The following HOMER1 variants were observed in gnomAD, a reference collection of about 807,000 sequenced individuals.
HOMER1 encodes the protein homer protein homolog 1.
HOMER1 carries 3 observed loss-of-function variants against 48.9 expected under a neutral mutation model. The observed-to-expected ratio is 0.06, with a 90% CI of 0.03 to 0.16. HOMER1 has a LOEUF of 0.16. Ranked by LOEUF, HOMER1 falls within the 10% of genes least tolerant of loss-of-function variation. The pLI, the probability that HOMER1 is intolerant of heterozygous loss-of-function variation, is 1.00. For missense variants in HOMER1, 247 were observed against 411.4 expected, an observed-to-expected ratio of 0.60 and a Z score of 3.46; for synonymous variants, 134 against 146.4, an observed-to-expected ratio of 0.92 and a Z score of 0.61.
At chr5:79,499,346 C>A (rs1435395082) in intron 1 of HOMER1, among the ~76,000 whole-genome samples, 2 of 152,150 alleles carry the variant, frequency 1.3e-5, no homozygotes, top group African/African-American at 4.8e-5. Context: ...TTTGAAAACT[C>A]TATACCAAAC....
At chr5:79,381,690 G>A (rs1748981506) in intron 8 of HOMER1, among the ~76,000 whole-genome samples, 1 of 152,142 alleles carries the variant, frequency 6.6e-6, no homozygotes, top group Admixed American at 6.5e-5. Flanking sequence ...TTTGAGACCA[G>A]CCTGGTCAAC....
intron 4 of HOMER1, 41 bp from the exon 5 acceptor site, chr5:79,439,190 T>C (rs1254411946): frequency 6.2e-7 from 1 of 1,605,602 alleles, no homozygotes; most frequent in South Asian, 1.1e-5. Flanking sequence ...AGTTACACTT[T>C]TGTTAAAGTA....
intron 5 of HOMER1, among the ~76,000 whole-genome samples, chr5:79,420,968 T>A (rs1399323256): frequency 3.9e-5 from 6 of 152,172 alleles, no homozygotes; most frequent in Admixed American, 3.9e-4. Context: ...ATGCATAACT[T>A]GCTAGTTAAA....
intron 8 of HOMER1, among the ~76,000 whole-genome samples, chr5:79,378,129 A>G (rs1748822103): frequency 6.7e-6 from 1 of 149,308 alleles, no homozygotes; most frequent in African/African-American, 2.5e-5. Flanking sequence ...CTGAGGCAGG[A>G]GAATGACTTG....
At chr5:79,473,111 T>C (rs1463400143) in intron 1 of HOMER1, among the ~76,000 whole-genome samples, 1 of 152,230 alleles carries the variant, frequency 6.6e-6, no homozygotes, top group African/African-American at 2.4e-5. Flanking sequence ...TCCTAACTGG[T>C]TCTCCAACCA....
At chr5:79,474,109 G>C (rs1390258578) in intron 1 of HOMER1, among the ~76,000 whole-genome samples, 3 of 151,652 alleles carry the variant, frequency 2.0e-5, no homozygotes, top group Non-Finnish European at 4.4e-5. Context: ...ATGGCTTATA[G>C]CTCACTGCAG....
chr5:79,418,833 T>C (rs1561356142), intron 5 of HOMER1, among the ~76,000 whole-genome samples: 1 of 152,240 alleles, frequency 6.6e-6, no homozygotes, highest in East Asian at 1.9e-4. Context: ...ACCTTAGGGG[T>C]AATTTACAAT....
intron 1 of HOMER1, among the ~76,000 whole-genome samples, chr5:79,476,688 A>T (rs1174799917): frequency 6.6e-6 from 1 of 152,146 alleles, no homozygotes; most frequent in East Asian, 1.9e-4. Flanking sequence ...AAAGGGTGTG[A>T]AGCTTCCAGG....
At chr5:79,460,370 G>C (rs1333697096) in intron 1 of HOMER1, among the ~76,000 whole-genome samples, 1 of 152,174 alleles carries the variant, frequency 6.6e-6, no homozygotes, top group East Asian at 1.9e-4. Flanking sequence ...AGAGGTTGCA[G>C]TAAGCCAAGA....
At chr5:79,382,630 C>T (rs1015844867) in intron 8 of HOMER1, among the ~76,000 whole-genome samples, 5 of 152,176 alleles carry the variant, frequency 3.3e-5, no homozygotes, top group African/African-American at 1.2e-4. Context: ...GAATTCATCA[C>T]CACTATACCA....
Position 79,373,546 on chromosome 5 carries a change from G to T in HOMER1, c.*2463C>A, listed in dbSNP as rs1341670847. ...GCAAATGTTTATATAATACAGAAAT[G>T]GAAAAAACTACAGTAGGCACACAAC... On this transcript the variant is annotated 3_prime_UTR_variant, in exon 9 of 9. Transcript: ENST00000334082. 6.6e-6 allele frequency: 1 copy of T among 151,490 alleles called. No individual in the cohort carries two copies. Among genetic ancestry groups the T allele is most frequent in the African/African-American group, 2.4e-5 (1 of 41,312 alleles). 9.4% of individuals were successfully genotyped at this position (151,490 alleles called of 1,614,324 possible). A position where few individuals can be genotyped will look rare whatever the true frequency, so the allele number is the denominator to read the frequency against.
intron 2 of HOMER1, among the ~76,000 whole-genome samples, chr5:79,451,762 G>A (rs531272243): frequency 3.3e-4 from 50 of 151,542 alleles, no homozygotes; most frequent in Admixed American, 2.4e-3. Flanking sequence ...GTAGAGACGG[G>A]GTTTCACCAT....
At position 79,503,737 on chromosome 5, in the gene HOMER1, A is replaced by G. The variant is rs532853464; in HGVS notation, c.5+9033T>C. Reference sequence around the variant, plus strand: ...AAGACTCTGCCTCCAAAAAAAAAAAAAAAGAAAGAAGAAAATCATAAGTAA... The same window carrying G: ...AAGACTCTGCCTCCAAAAAAAAAAAGAAAGAAAGAAGAAAATCATAAGTAA... On this transcript the variant is annotated intron_variant, in intron 1 of 8. Coordinates refer to ENST00000334082, the MANE Select transcript of HOMER1 (RefSeq NM_004272.5). 3.7e-3 allele frequency among the ~76,000 whole-genome samples: 564 copies of G among 151,728 alleles called. 2 individuals are homozygous for G. The highest frequency in any genetic ancestry group is 6.7e-3 in the Non-Finnish European group (455 of 67,964).
At chr5:79,506,896 T>C (rs537726446) in intron 1 of HOMER1, among the ~76,000 whole-genome samples, 1 of 151,918 alleles carries the variant, frequency 6.6e-6, no homozygotes, top group African/African-American at 2.4e-5. Flanking sequence ...TGAAGACCAT[T>C]GAATGATTAG....
At chr5:79,439,562 G>A (rs981824088) in intron 4 of HOMER1, among the ~76,000 whole-genome samples, 1 of 152,166 alleles carries the variant, frequency 6.6e-6, no homozygotes, top group African/African-American at 2.4e-5. Context: ...AGTAGATAAT[G>A]GAAGGGGTAC....
Position 79,448,609 on chromosome 5 carries a change from C to T in HOMER1, c.295-1464G>A, listed in dbSNP as rs548961431. Reference sequence around the variant, plus strand: ...TGTCTTTGTCTAGAATTGCCTTCTCCAAACCCTTATAATGTTTTGACTTAC... The same window carrying T: ...TGTCTTTGTCTAGAATTGCCTTCTCTAAACCCTTATAATGTTTTGACTTAC... On this transcript the variant is annotated intron_variant, in intron 3 of 8. Transcript: ENST00000334082. Among the ~76,000 whole-genome samples the T allele has an allele frequency of 7.9e-5, 12 of 152,210 alleles. No homozygotes were observed. The South Asian group carries it at 2.5e-3, about 32-fold the overall frequency.
intron 1 of HOMER1, 137 bp downstream of exon 1, chr5:79,512,633 T>A (rs1752973105): frequency 2.6e-6 from 2 of 766,802 alleles, no homozygotes; most frequent in Non-Finnish European, 4.4e-6. Flanking sequence ...AAGGTTAGCA[T>A]GCCTATTTCT....
chr5:79,408,701 T>A (rs1295568635), intron 5 of HOMER1, among the ~76,000 whole-genome samples: 3 of 152,146 alleles, frequency 2.0e-5, no homozygotes, highest in Non-Finnish European at 4.4e-5. Context: ...ATTTCTTAGA[T>A]ATTATACAAT....
At chr5:79,399,145 A>C (rs987771280) in intron 6 of HOMER1, among the ~76,000 whole-genome samples, 1 of 152,202 alleles carries the variant, frequency 6.6e-6, no homozygotes, top group Non-Finnish European at 1.5e-5. Context: ...AACAATTGCA[A>C]ATTGTGGGCA....
Sources: allele counts gnomAD v4.1 joint callset (sites outside exome capture counted in the v4.1 genomes callset), GRCh38; gene constraint gnomAD v4.1.1; transcripts MANE v1.5; gene names NCBI Gene and HGNC (gene_info 2026-07-23, HGNC 2026-07-21).